The following CTNNA3 variants were observed in gnomAD, a reference collection of about 807,000 sequenced individuals.
CTNNA3 encodes catenin alpha-3.
Under a neutral mutation model 95.7 loss-of-function variants are expected in CTNNA3, and 76 were observed. That is an observed-to-expected ratio of 0.79 (90% confidence interval 0.66 to 0.96). CTNNA3 has a LOEUF of 0.96. Among genes scored for constraint, CTNNA3 ranks in the 40% least tolerant of loss-of-function variants. The pLI is 0.00. For synonymous variants in CTNNA3, 431 were observed against 374.4 expected, an observed-to-expected ratio of 1.15 and a Z score of -1.74; for missense variants, 1,191 against 1,089.8, an observed-to-expected ratio of 1.09 and a Z score of -1.31.
intron 10 of CTNNA3, among the ~76,000 whole-genome samples, chr10:66,589,769 G>T (rs1843482815): frequency 6.6e-6 from 1 of 152,022 alleles, no homozygotes; most frequent in African/African-American, 2.4e-5. Flanking sequence ...TGTTTCCATT[G>T]CTTTTTCCCT....
chr10:66,294,913 AG>A (rs1164187818), intron 12 of CTNNA3, among the ~76,000 whole-genome samples: 14 of 148,806 alleles, frequency 9.4e-5, no homozygotes, highest in South Asian at 2.1e-4. Context: ...AGAGAGAGAG[AG>A]GGATTTGGTA....
In CTNNA3 at chr10:67,146,487, A is replaced by T. The variant is rs74922940; in HGVS notation, c.1047+33830T>A. Among the ~76,000 whole-genome samples, 1,113 of 152,356 alleles carry T rather than the reference A, an allele frequency of 7.3e-3. 21 individuals are homozygous for T. The highest frequency in any genetic ancestry group is 0.025 in the African/African-American group (1,053 of 41,578). ...ATACACAACACTGTTCATGCATATT[A>T]TAGCCACACATATTATAGCACTCAC... is the stretch of plus-strand genomic sequence containing the variant. On this transcript the variant is annotated intron_variant, in intron 7 of 17. Transcript: ENST00000433211.
chr10:66,960,814 G>A (rs1007179222), intron 7 of CTNNA3, among the ~76,000 whole-genome samples: 2 of 152,096 alleles, frequency 1.3e-5, no homozygotes, highest in African/African-American at 4.8e-5. Flanking sequence ...CTTAGAAAAG[G>A]GGGGATGGTA....
At chr10:66,666,454 T>G (rs1398534508) in intron 9 of CTNNA3, among the ~76,000 whole-genome samples, 1 of 152,190 alleles carries the variant, frequency 6.6e-6, no homozygotes, top group Non-Finnish European at 1.5e-5. Context: ...GCTAAAATGT[T>G]TTCCTAAAGC....
chr10:65,985,373 A>G (rs1209727972), intron 16 of CTNNA3, among the ~76,000 whole-genome samples: 1 of 151,338 alleles, frequency 6.6e-6, no homozygotes, highest in East Asian at 1.9e-4. Context: ...GAATATCTCA[A>G]CACATTAATG....
intron 16 of CTNNA3, among the ~76,000 whole-genome samples, chr10:65,988,093 G>A (rs796851470): frequency 1.7e-4 from 26 of 152,176 alleles, no homozygotes; most frequent in African/African-American, 6.0e-4. Context: ...AGTTATATAG[G>A]AGGAATAAAT....
chr10:66,128,293 T>C (rs1020596541), intron 13 of CTNNA3, among the ~76,000 whole-genome samples: 6 of 152,010 alleles, frequency 3.9e-5, no homozygotes, highest in Non-Finnish European at 8.8e-5. Flanking sequence ...GAGCTAAATT[T>C]CTCTGAGAAA....
intron 7 of CTNNA3, among the ~76,000 whole-genome samples, chr10:66,863,351 G>T (rs1490418800): frequency 2.6e-5 from 4 of 152,008 alleles, no homozygotes; most frequent in Non-Finnish European, 4.4e-5. Context: ...TCCGCTATAT[G>T]GCATGGTCAG....
chr10:66,749,169 C>G (rs1012936612), intron 9 of CTNNA3, among the ~76,000 whole-genome samples: 3 of 125,088 alleles, frequency 2.4e-5, no homozygotes, highest in African/African-American at 8.9e-5. Context: ...TGCCGCTGCA[C>G]TCCAGCCTGG....
rs1461898153 is a variant in CTNNA3 at position 67,638,190 on chromosome 10, C to CA, written c.99+9224dup. The stretch of plus-strand genomic sequence containing the variant: ...GAAGATCTACCAAGCAAATGGAAAA[C>CA]AAAAAAAGGCAGGGGTTGCAATCCT... On this transcript the variant is annotated intron_variant, in intron 2 of 17. Coordinates refer to ENST00000433211, the MANE Select transcript of CTNNA3 (RefSeq NM_013266.4). Among the ~76,000 whole-genome samples, 6 of 151,642 alleles carry CA rather than the reference C, an allele frequency of 4.0e-5. No homozygotes were observed. The South Asian group carries it at 1.0e-3, about 26-fold the overall frequency.
intron 11 of CTNNA3, among the ~76,000 whole-genome samples, chr10:66,496,916 G>C (rs989174998): frequency 6.6e-6 from 1 of 152,080 alleles, no homozygotes; most frequent in Non-Finnish European, 1.5e-5. Context: ...TGTTGAAAGG[G>C]TTTGTTTTCT....
chr10:67,183,619 A>G (rs1362769135), intron 6 of CTNNA3, among the ~76,000 whole-genome samples: 1 of 152,104 alleles, frequency 6.6e-6, no homozygotes. Flanking sequence ...CAGCACACCA[A>G]CATGGCACAT....
At chr10:67,198,367 T>C (rs1461639023) in intron 6 of CTNNA3, among the ~76,000 whole-genome samples, 4 of 152,120 alleles carry the variant, frequency 2.6e-5, no homozygotes, top group Non-Finnish European at 5.9e-5. Context: ...TCTTACTTTA[T>C]CAGGTCCTTT....
chr10:67,433,022 T>C (rs1397298756), intron 5 of CTNNA3, among the ~76,000 whole-genome samples: 2 of 152,214 alleles, frequency 1.3e-5, no homozygotes, highest in East Asian at 3.9e-4. Context: ...TCCTTTGCCT[T>C]CACAACTTGG....
intron 13 of CTNNA3, among the ~76,000 whole-genome samples, chr10:66,262,249 G>A (rs543653795): frequency 6.6e-6 from 1 of 151,996 alleles, no homozygotes; most frequent in East Asian, 1.9e-4. Flanking sequence ...CCTCAACTTA[G>A]CATTATCATT....
intron 7 of CTNNA3, among the ~76,000 whole-genome samples, chr10:66,893,257 C>T (rs1845343661): frequency 6.6e-6 from 1 of 151,994 alleles, no homozygotes; most frequent in Admixed American, 6.6e-5. Context: ...AGAAAGCAGC[C>T]AAGATGCCCT....
At chr10:67,320,473 T>A (rs2132550473) in intron 5 of CTNNA3, among the ~76,000 whole-genome samples, 1 of 152,334 alleles carries the variant, frequency 6.6e-6, no homozygotes, top group Non-Finnish European at 1.5e-5. Flanking sequence ...GCCTACATTT[T>A]AAAATATTTA....
chr10:66,051,954 C>T (rs1487465287), intron 15 of CTNNA3, among the ~76,000 whole-genome samples: 1 of 152,072 alleles, frequency 6.6e-6, no homozygotes, highest in Non-Finnish European at 1.5e-5. Flanking sequence ...AATGTTTTGG[C>T]CCCACAATAA....
chr10:66,218,435 C>T (rs551642904), intron 13 of CTNNA3, among the ~76,000 whole-genome samples: 4 of 152,158 alleles, frequency 2.6e-5, no homozygotes, highest in African/African-American at 9.6e-5. Context: ...CTTCATATGG[C>T]CTGAAGGAAG....
Sources: gnomAD v4.1 joint callset for allele counts (sites outside exome capture counted in the v4.1 genomes callset) on GRCh38, gnomAD v4.1.1 for gene constraint, MANE v1.5 for transcripts, NCBI Gene and HGNC (gene_info 2026-07-23, HGNC 2026-07-21) for gene names.